Variants in BCAS3 observed in about 807,000 individuals in gnomAD.
BCAS3 encodes BCAS3 microtubule associated cell migration factor.
In BCAS3, 53 loss-of-function variants were observed where a neutral mutation model predicts 116.1. The observed-to-expected ratio is 0.46, with a 90% CI of 0.37 to 0.57. The LOEUF is 0.57. Among genes scored for constraint, BCAS3 ranks in the 20% least tolerant of loss-of-function variants. BCAS3 has a pLI of 0.00. For missense variants in BCAS3, 917 were observed against 1,165.4 expected, an observed-to-expected ratio of 0.79 and a Z score of 3.10; for synonymous variants, 391 against 408.2, an observed-to-expected ratio of 0.96 and a Z score of 0.51.
chr17:61,033,628 G>A (rs967383795), intron 16 of BCAS3, among the ~76,000 whole-genome samples: 10 of 152,168 alleles, frequency 6.6e-5, no homozygotes, highest in African/African-American at 2.4e-4. Flanking sequence ...TTTGACATTG[G>A]AGGCTAACTA....
Position 60,877,702 on chromosome 17 carries a change from G to A in BCAS3, c.661+2964G>A, listed in dbSNP as rs77876541. On this transcript the variant is annotated intron_variant, in intron 9 of 23. Transcript: ENST00000407086. ...GTACTGTAGAAGGTACTTTAAAAGT[G>A]AAATGCAGCTTTTAGTTAAGTCCTG... 5.1e-4 allele frequency among the ~76,000 whole-genome samples: 78 copies of A among 152,306 alleles called. 1 individual carries two copies. In the East Asian group the frequency reaches 0.015, roughly 28 times the overall value.
chr17:60,753,360 ATTT>A (rs2042664334), intron 6 of BCAS3, among the ~76,000 whole-genome samples: 1 of 150,482 alleles, frequency 6.6e-6, no homozygotes, highest in East Asian at 1.9e-4. Flanking sequence ...TTAAAATTTT[ATTT>A]TGTTGTTATT....
intron 14 of BCAS3, among the ~76,000 whole-genome samples, chr17:60,988,418 A>ACT (rs1202799166): frequency 1.4e-5 from 2 of 148,022 alleles, no homozygotes; most frequent in African/African-American, 5.0e-5. Context: ...TGAGGTTAGA[A>ACT]GTATTCCTTC....
At chr17:61,351,062 A>G (rs2057812190) in intron 22 of BCAS3, among the ~76,000 whole-genome samples, 3 of 152,238 alleles carry the variant, frequency 2.0e-5, no homozygotes, top group African/African-American at 7.2e-5. Flanking sequence ...AGATCTAAAT[A>G]TAGCAAAGGC....
chr17:60,908,553 T>TA (rs1377577080), intron 11 of BCAS3, among the ~76,000 whole-genome samples: 2 of 152,208 alleles, frequency 1.3e-5, no homozygotes, highest in Non-Finnish European at 2.9e-5. Context: ...TTGACATCAA[T>TA]ACACTGTGGC....
intron 22 of BCAS3, among the ~76,000 whole-genome samples, chr17:61,341,278 T>A (rs1400436503): frequency 1.3e-5 from 2 of 151,998 alleles, no homozygotes; most frequent in East Asian, 3.9e-4. Flanking sequence ...AAAAAGAACA[T>A]CAGCTCCCAC....
chr17:60,938,689 A>T, intron 13 of BCAS3, among the ~76,000 whole-genome samples: 1 of 151,728 alleles, frequency 6.6e-6, no homozygotes, highest in Non-Finnish European at 1.5e-5. Flanking sequence ...CATGCCACAG[A>T]CTGGGAGAAA....
chr17:61,161,446 A>G lies in BCAS3; in HGVS notation c.2425+76882A>G, dbSNP rs1042539579. On this transcript the variant is annotated intron_variant, in intron 22 of 23. Transcript: ENST00000407086. This position sits in a 1 kb window ranked among gnomAD's most constrained non-coding sequence, Gnocchi z 4.8. Reference sequence around the variant, plus strand: ...AAGCAGTTGTCCCAATTTCATTACCACAGAGCATAGCGTTTTCAAATTTAT... The same window carrying G: ...AAGCAGTTGTCCCAATTTCATTACCGCAGAGCATAGCGTTTTCAAATTTAT... 7.2e-5 allele frequency among the ~76,000 whole-genome samples: 11 copies of G among 152,250 alleles called. No homozygotes were observed. The highest frequency in any genetic ancestry group is 1.3e-4 in the Non-Finnish European group (9 of 68,050).
At chr17:61,042,602 T>G (rs2067599165) in intron 19 of BCAS3, among the ~76,000 whole-genome samples, 1 of 151,812 alleles carries the variant, frequency 6.6e-6, no homozygotes, top group African/African-American at 2.4e-5. Context: ...GAAAGATCAT[T>G]CTGGGCTGGG....
intron 6 of BCAS3, among the ~76,000 whole-genome samples, chr17:60,748,112 A>G (rs2042158980): frequency 6.6e-6 from 1 of 152,168 alleles, no homozygotes; most frequent in Non-Finnish European, 1.5e-5. Context: ...TTTTAATTCT[A>G]TTATATTTTA....
At chr17:61,295,464 C>T (rs1292107484) in intron 22 of BCAS3, among the ~76,000 whole-genome samples, 1 of 152,170 alleles carries the variant, frequency 6.6e-6, no homozygotes, top group Non-Finnish European at 1.5e-5. Context: ...AGAGTTTTGT[C>T]AGATGAGTAG....
intron 9 of BCAS3, among the ~76,000 whole-genome samples, chr17:60,878,388 T>C (rs181589538): frequency 4.6e-5 from 7 of 152,294 alleles, no homozygotes; most frequent in Admixed American, 4.6e-4. Flanking sequence ...TTGGGAAGAA[T>C]AGGGACTGAA....
rs911470544 is a variant in BCAS3 at position 61,145,922 on chromosome 17, C to T, written c.2425+61358C>T. On this transcript the variant is annotated intron_variant, in intron 22 of 23. Coordinates refer to ENST00000407086, the MANE Select transcript of BCAS3 (RefSeq NM_017679.5). The surrounding 1 kb of genome is among the most constrained non-coding windows in gnomAD (Gnocchi z 5.0). ...CACTTGTTTGCAGAGACTGCCAAACCTTCCATTGCCGCTTCCAAGATACTC... is the reference window on the plus strand; with the variant it reads ...CACTTGTTTGCAGAGACTGCCAAACTTTCCATTGCCGCTTCCAAGATACTC... 2.0e-5 allele frequency among the ~76,000 whole-genome samples: 3 copies of T among 152,018 alleles called. No individual in the cohort carries two copies. Among genetic ancestry groups the T allele is most frequent in the African/African-American group, 7.2e-5 (3 of 41,392 alleles).
At chr17:61,120,714 G>T (rs1042954351) in intron 22 of BCAS3, among the ~76,000 whole-genome samples, 1 of 151,874 alleles carries the variant, frequency 6.6e-6, no homozygotes, top group East Asian at 1.9e-4. Flanking sequence ...TAAAAATAAG[G>T]ACTTTTTTTT....
chr17:60,800,546 T>C (rs1185835827), intron 6 of BCAS3, among the ~76,000 whole-genome samples: 3 of 152,212 alleles, frequency 2.0e-5, no homozygotes, highest in African/African-American at 7.2e-5. Context: ...AGCTTGTGCT[T>C]TCATTCTTCT....
chr17:61,044,465 A>AAAAAAAAAATATATAT, intron 19 of BCAS3, among the ~76,000 whole-genome samples: 7 of 120,118 alleles, frequency 5.8e-5, no homozygotes, highest in African/African-American at 3.0e-4. Context: ...AAAAAAAAAA[A>AAAAAAAAAATATATAT]ATATATATAT....
At chr17:60,745,492 T>C (rs555616603) in intron 5 of BCAS3, among the ~76,000 whole-genome samples, 1 of 152,070 alleles carries the variant, frequency 6.6e-6, no homozygotes, top group Non-Finnish European at 1.5e-5. Flanking sequence ...AAGACTGTAA[T>C]TTTTAGATTT....
chr17:60,816,181 G>A (rs936025550), intron 7 of BCAS3, among the ~76,000 whole-genome samples: 11 of 151,968 alleles, frequency 7.2e-5, no homozygotes, highest in Admixed American at 3.3e-4. Context: ...ACTTTGTCAA[G>A]TTGCTTATAT....
At chr17:61,187,629 C>T (rs531793502) in intron 22 of BCAS3, among the ~76,000 whole-genome samples, 1 of 152,268 alleles carries the variant, frequency 6.6e-6, no homozygotes, top group Admixed American at 6.5e-5. Flanking sequence ...TGACTTTGCT[C>T]ATTGGCAGTA....
Sources: gnomAD v4.1 joint callset for allele counts (sites outside exome capture counted in the v4.1 genomes callset) on GRCh38, gnomAD v4.1.1 for gene constraint, Gnocchi (gnomAD v3.1) non-coding constraint, MANE v1.5 for transcripts, NCBI Gene and HGNC (gene_info 2026-07-23, HGNC 2026-07-21) for gene names.